MRTFB: variants seen among roughly 807,000 people sequenced by gnomAD.
MRTFB encodes myocardin related transcription factor B.
In MRTFB, 29 loss-of-function variants were observed where a neutral mutation model predicts 104.2. The ratio of observed to expected loss-of-function variants is 0.28; its 90% CI spans 0.21 to 0.38. MRTFB has a LOEUF of 0.38. Ranked by LOEUF, MRTFB falls within the 10% of genes least tolerant of loss-of-function variation. The pLI is 1.00. For synonymous variants in MRTFB, 535 were observed against 519.5 expected (o/e 1.03, Z -0.41); for missense variants, 1,270 against 1,341.6 (o/e 0.95, Z 0.83).
the MRTFB span, among the ~76,000 whole-genome samples, chr16:14,042,660 G>C: frequency 6.6e-6 from 1 of 152,100 alleles, no homozygotes; most frequent in South Asian, 2.1e-4. Flanking sequence ...TAAGTTCCCT[G>C]GCCTTTAAAT....
intron 8 of MRTFB, among the ~76,000 whole-genome samples, chr16:14,233,492 G>A (rs963918053): frequency 2.0e-5 from 3 of 152,114 alleles, no homozygotes; most frequent in African/African-American, 7.2e-5. Context: ...GGGACTTTAT[G>A]AATACCATGT....
chr16:14,026,282 T>G, the MRTFB span, among the ~76,000 whole-genome samples: 1 of 152,102 alleles, frequency 6.6e-6, no homozygotes, highest in Non-Finnish European at 1.5e-5. Context: ...TGGAACAGAA[T>G]CCAGAATCAA....
At chr16:14,045,578 G>C in the MRTFB span, among the ~76,000 whole-genome samples, 1 of 152,214 alleles carries the variant, frequency 6.6e-6, no homozygotes, top group Non-Finnish European at 1.5e-5. Context: ...TGTGCTGTCT[G>C]TACAAATGGG....
intron 3 of MRTFB, among the ~76,000 whole-genome samples, chr16:14,194,844 G>A (rs1302695955): frequency 6.6e-6 from 1 of 151,958 alleles, no homozygotes; most frequent in Non-Finnish European, 1.5e-5. Flanking sequence ...GCCATGTAGG[G>A]TTGTTATGAG....
chr16:14,000,360 C>G, the MRTFB span, among the ~76,000 whole-genome samples: 1 of 152,198 alleles, frequency 6.6e-6, no homozygotes, highest in Non-Finnish European at 1.5e-5. Context: ...GCTGGCAAGT[C>G]AAGGGATTGA....
At position 14,126,562 on chromosome 16, in the gene MRTFB, G is replaced by A. The variant is rs974512997; in HGVS notation, c.-63-13982G>A. The stretch of plus-strand genomic sequence containing the variant: ...TTATATTATTTCACATAATCGATGC[G>A]GGAAACCAAGAATGTGGTAGACAGA... On this transcript the variant is annotated intron_variant, in intron 2 of 16. Transcript: ENST00000571589. 4.6e-5 allele frequency among the ~76,000 whole-genome samples: 7 copies of A among 152,118 alleles called. No homozygotes were observed. The East Asian group carries it at 1.3e-3, about 29-fold the overall frequency.
rs574399325 is a variant in MRTFB at position 14,225,409 on chromosome 16, T to C, written c.693+6411T>C. Among the ~76,000 whole-genome samples the C allele has an allele frequency of 2.8e-4, 42 of 151,620 alleles. 1 individual carries two copies. The South Asian group carries it at 7.5e-3, about 27-fold the overall frequency. On this transcript the variant is annotated intron_variant, in intron 8 of 16. Coordinates refer to ENST00000571589, the MANE Select transcript of MRTFB (RefSeq NM_001308142.2). ...AAGAAGTAGCATTTTTTTATGTGAC[T>C]GAAGTTGTTATCAATGTAAGATAGA...
At chr16:14,082,232 A>G (rs1440605050) in intron 2 of MRTFB, among the ~76,000 whole-genome samples, 2 of 152,196 alleles carry the variant, frequency 1.3e-5, no homozygotes, top group African/African-American at 2.4e-5. Context: ...CGTGAGATAA[A>G]GGTCTGATTT....
chr16:14,221,785 T>C (rs1462708472), intron 8 of MRTFB, among the ~76,000 whole-genome samples: 1 of 144,556 alleles, frequency 6.9e-6, no homozygotes, highest in Non-Finnish European at 1.5e-5. Flanking sequence ...TTCCTTTTTT[T>C]TTTTTTTTTT....
At chr16:14,079,192 C>A in intron 1 of MRTFB, 98 bp from the exon 2 acceptor site, 10 of 269,370 alleles carry the variant, frequency 3.7e-5, no homozygotes, top group East Asian at 1.1e-4. Flanking sequence ...TTTGTTATTT[C>A]CAGTTTATCT....
At chr16:14,067,078 C>G (rs1346936757), upstream of MRTFB, among the ~76,000 whole-genome samples, 4 of 152,122 alleles carry the variant, frequency 2.6e-5, no homozygotes, top group Non-Finnish European at 5.9e-5. Flanking sequence ...CACAGGGAGC[C>G]GCTCACATTG....
In MRTFB at chr16:14,258,486, C is replaced by G. The variant is rs2043615319; in HGVS notation, c.2764+325C>G. On this transcript the variant is annotated intron_variant, in intron 16 of 16. Transcript: ENST00000571589. ...TGGCACACCCCTGGGGTCCCAGCTA[C>G]TAGGAAGTTGAGGTAGGAAGATTGC... 5.3e-5 allele frequency among the ~76,000 whole-genome samples: 8 copies of G among 152,058 alleles called. No homozygotes were observed. In the South Asian group the frequency reaches 1.7e-3, roughly 32 times the overall value.
At chr16:14,170,489 A>ATT (rs201431928) in intron 3 of MRTFB, 1 of 152,104 alleles carries the variant, frequency 6.6e-6, no homozygotes, top group Non-Finnish European at 1.5e-5. Flanking sequence ...CTCAATAGTT[A>ATT]TTTTTTGATT....
chr16:13,996,155 C>G, the MRTFB span, among the ~76,000 whole-genome samples: 1 of 152,014 alleles, frequency 6.6e-6, no homozygotes, highest in African/African-American at 2.4e-5. Flanking sequence ...ACTTGTAATT[C>G]TAGCTAGTCA....
chr16:14,099,004 T>C (rs2035547900), intron 2 of MRTFB, among the ~76,000 whole-genome samples: 1 of 152,220 alleles, frequency 6.6e-6, no homozygotes, highest in Non-Finnish European at 1.5e-5. Flanking sequence ...TGAAATCTAG[T>C]AGTGTTAGTC....
At chr16:14,231,667 G>C (rs987514055) in intron 8 of MRTFB, among the ~76,000 whole-genome samples, 1 of 152,072 alleles carries the variant, frequency 6.6e-6, no homozygotes, top group African/African-American at 2.4e-5. Flanking sequence ...GTTCACTACT[G>C]TAATGGCCCC....
chr16:14,189,305 A>AC (rs1233694742), intron 3 of MRTFB, among the ~76,000 whole-genome samples: 3 of 152,226 alleles, frequency 2.0e-5, no homozygotes, highest in Admixed American at 2.0e-4. Flanking sequence ...CTGCAGATGA[A>AC]CAACAGTGTT....
chr16:13,997,029 A>G, the MRTFB span, among the ~76,000 whole-genome samples: 2 of 152,218 alleles, frequency 1.3e-5, no homozygotes, highest in African/African-American at 4.8e-5. Flanking sequence ...GTGACAGATA[A>G]AAAGACACTC....
the MRTFB span, among the ~76,000 whole-genome samples, chr16:13,999,090 T>C: frequency 6.6e-6 from 1 of 150,570 alleles, no homozygotes; most frequent in Non-Finnish European, 1.5e-5. Flanking sequence ...CTCGGGAGGT[T>C]GAGGCACGAG....
Sources: allele counts gnomAD v4.1 joint callset (sites outside exome capture counted in the v4.1 genomes callset), GRCh38; gene constraint gnomAD v4.1.1; transcripts MANE v1.5; gene names NCBI Gene and HGNC (gene_info 2026-07-23, HGNC 2026-07-21).